The following TMEM131 variants were observed in gnomAD, a reference collection of about 807,000 sequenced individuals.
TMEM131 encodes the protein transmembrane protein 131, also known as 2610524E03Rik.
In TMEM131, 66 loss-of-function variants were observed where a neutral mutation model predicts 211.6. The observed-to-expected ratio is 0.31, with a 90% CI of 0.26 to 0.38. The LOEUF (loss-of-function observed/expected upper bound fraction) is 0.38. Ranked by LOEUF, TMEM131 falls within the 10% of genes least tolerant of loss-of-function variation. The pLI, the probability that TMEM131 is intolerant of heterozygous loss-of-function variation, is 1.00. For missense variants in TMEM131, 2,036 were observed against 2,299.3 expected (o/e 0.89, Z 2.34); for synonymous variants, 844 against 841.3 (o/e 1.00, Z -0.06).
intron 19 of TMEM131, among the ~76,000 whole-genome samples, chr2:97,807,313 A>G (rs1182731046): frequency 3.3e-5 from 5 of 152,124 alleles, no homozygotes; most frequent in African/African-American, 1.2e-4. Flanking sequence ...GTGGGGCCCT[A>G]TGGAAGGTGT....
At position 97,814,016 on chromosome 2, in the gene TMEM131, A is replaced by T; in HGVS notation, c.1572T>A (p.Ala524=). Residue 524 remains alanine, a synonymous_variant, in exon 15 of 41, where the codon GCT becomes GCA. Coordinates refer to ENST00000186436, the MANE Select transcript of TMEM131 (RefSeq NM_015348.2). ...CCCGCACGGGTAAATGAAATTTAGA[A>T]GCATTGGTAATAAGTAAAATGTTGT... ...IDNNILLITN[A]SKFHLPVRVY... is the part of the protein sequence containing the mutation. 6.2e-7 allele frequency: 1 copy of T among 1,600,394 alleles called. No homozygotes were observed. Among genetic ancestry groups the T allele is most frequent in the Non-Finnish European group, 8.5e-7 (1 of 1,172,482 alleles).
At chr2:97,772,552 G>A (rs1016262739) in intron 32 of TMEM131, 128 bp from the exon 33 acceptor site, 9 of 1,106,066 alleles carry the variant, frequency 8.1e-6, no homozygotes, top group Admixed American at 6.2e-5. Context: ...AAACAAACTC[G>A]TTTCTTCAAA....
At position 97,766,184 on chromosome 2, in the gene TMEM131, A is replaced by G; in HGVS notation, c.4653T>C (p.Ser1551=). ...GAGAGTCTTTTTCACCCTCTGAGCTACTGGTGTTGCCTAATTCTTGACTAT... is the reference window on the plus strand; with the variant it reads ...GAGAGTCTTTTTCACCCTCTGAGCTGCTGGTGTTGCCTAATTCTTGACTAT... ...LPNSQELGNT[S]SSEGEKDSPP... is the part of the protein sequence containing the mutation. The change falls in exon 35 of 41, where the codon AGT becomes AGC. Residue 1551 remains serine, a synonymous_variant. Transcript: ENST00000186436. 1 of 1,614,058 alleles carries G rather than the reference A, an allele frequency of 6.2e-7. No individual in the cohort carries two copies. The highest frequency in any genetic ancestry group is 8.5e-7 in the Non-Finnish European group (1 of 1,179,896).
Position 97,801,885 on chromosome 2 carries a change from G to C in TMEM131, c.2718+10C>G, listed in dbSNP as rs1241208538. ...ATTTCTTTGGAATAGTATGAAGTTT[G>C]AATACTTACACTGTTTCTGAAGACT... On this transcript the variant is annotated intron_variant, in intron 25 of 40. Transcript: ENST00000186436. 6.4e-7 allele frequency: 1 copy of C among 1,571,412 alleles called. No homozygotes were observed. The highest frequency in any genetic ancestry group is 2.3e-5 in the East Asian group (1 of 43,892).
chr2:97,953,314 A>T (rs942533346), intron 1 of TMEM131, among the ~76,000 whole-genome samples: 1 of 152,260 alleles, frequency 6.6e-6, no homozygotes, highest in Non-Finnish European at 1.5e-5. Context: ...AACTTATTTC[A>T]AACACATCAG....
intron 11 of TMEM131, among the ~76,000 whole-genome samples, chr2:97,832,004 CA>C (rs770432398): frequency 8.8e-4 from 53 of 60,268 alleles, no homozygotes; most frequent in South Asian, 6.7e-3. Flanking sequence ...AAGTCACTTC[CA>C]AAAAAAAAAA....
chr2:97,768,613 CAG>C (rs1219366679), intron 33 of TMEM131, among the ~76,000 whole-genome samples: 2 of 152,078 alleles, frequency 1.3e-5, no homozygotes, highest in African/African-American at 2.4e-5. Flanking sequence ...TTTTTTGAGA[CAG>C]AGTCTCACTC....
rs148958394 is a variant in TMEM131, at chr2:97,939,799, T to C, written c.188-12312A>G. On this transcript the variant is annotated intron_variant, in intron 1 of 40. Transcript: ENST00000186436. ...TAAAATACTGGCAAACTGAATCCAG[T>C]AGCACATCAAAAAGCTTATCCACGA... Among the ~76,000 whole-genome samples, 11 of 152,250 alleles carry C rather than the reference T, an allele frequency of 7.2e-5. No individual in the cohort carries two copies. The East Asian group carries it at 2.1e-3, about 29-fold the overall frequency.
At chr2:97,862,263 C>A (rs1674100624) in intron 4 of TMEM131, among the ~76,000 whole-genome samples, 1 of 152,100 alleles carries the variant, frequency 6.6e-6, no homozygotes, top group South Asian at 2.1e-4. Context: ...AGAAGGGGTA[C>A]AAACAAGCCC....
At chr2:97,839,705 A>G (rs7582664) in intron 7 of TMEM131, among the ~76,000 whole-genome samples, 118,101 of 152,238 alleles carry the variant, frequency 0.78, 47,738 homozygotes, top group African/African-American at 0.93. Context: ...GACTGCAACT[A>G]TGCTGTCTAT....
At chr2:97,835,406 A>G (rs1020057018) in intron 8 of TMEM131, among the ~76,000 whole-genome samples, 2 of 152,250 alleles carry the variant, frequency 1.3e-5, no homozygotes, top group Admixed American at 6.5e-5. Flanking sequence ...GGAAAACTTA[A>G]CAATGCAAAG....
At chr2:97,854,779 T>C (rs1310423726) in intron 5 of TMEM131, among the ~76,000 whole-genome samples, 1 of 152,174 alleles carries the variant, frequency 6.6e-6, no homozygotes, top group Non-Finnish European at 1.5e-5. Flanking sequence ...TTTATACTGC[T>C]TGGTCCTTCC....
chr2:97,968,401 T>C (rs558996955), intron 1 of TMEM131, among the ~76,000 whole-genome samples: 1 of 152,262 alleles, frequency 6.6e-6, no homozygotes, highest in African/African-American at 2.4e-5. Context: ...GACGTAAACA[T>C]GGGAATAGTC....
chr2:97,993,132 G>T (rs2104690107), intron 1 of TMEM131, among the ~76,000 whole-genome samples: 1 of 152,296 alleles, frequency 6.6e-6, no homozygotes, highest in Admixed American at 6.5e-5. Context: ...TAAAGATTTT[G>T]CAGTGAAATT....
intron 31 of TMEM131, among the ~76,000 whole-genome samples, chr2:97,791,637 A>C (rs557514005): frequency 1.3e-5 from 2 of 152,348 alleles, no homozygotes; most frequent in South Asian, 4.1e-4. Flanking sequence ...CCTTGACTGC[A>C]GTCCTGTGTC....
chr2:97,765,907 A>C (rs1350934301), intron 35 of TMEM131, among the ~76,000 whole-genome samples: 1 of 151,896 alleles, frequency 6.6e-6, no homozygotes, highest in Non-Finnish European at 1.5e-5. Context: ...TTGTTGAATG[A>C]GTCCCCTGAT....
At chr2:97,990,599 A>G (rs1255075012) in intron 1 of TMEM131, among the ~76,000 whole-genome samples, 1 of 152,214 alleles carries the variant, frequency 6.6e-6, no homozygotes, top group Non-Finnish European at 1.5e-5. Flanking sequence ...CTTAAAATCA[A>G]AAAGTTATAA....
chr2:97,940,306 A>G (rs1395917102), intron 1 of TMEM131, among the ~76,000 whole-genome samples: 5 of 152,254 alleles, frequency 3.3e-5, no homozygotes, highest in Admixed American at 2.0e-4. Flanking sequence ...CAAGCTGATA[A>G]GCAACTTCAG....
intron 5 of TMEM131, among the ~76,000 whole-genome samples, chr2:97,852,153 G>A (rs1160303814): frequency 2.2e-5 from 3 of 139,078 alleles, no homozygotes; most frequent in Non-Finnish European, 4.6e-5. Flanking sequence ...AAGCAGCCAC[G>A]GCATTCTCTT....
Sources: gnomAD v4.1 joint callset for allele counts (sites outside exome capture counted in the v4.1 genomes callset) on GRCh38, gnomAD v4.1.1 for gene constraint, MANE v1.5 for transcripts, NCBI Gene and HGNC (gene_info 2026-07-23, HGNC 2026-07-21) for gene names.